Variants in TOP2B observed in about 807,000 individuals in gnomAD.
The protein encoded by TOP2B is DNA topoisomerase 2-beta.
Under a neutral mutation model 193.5 loss-of-function variants are expected in TOP2B, and 51 were observed. The ratio of observed to expected loss-of-function variants is 0.26; its 90% CI spans 0.21 to 0.33. The LOEUF is 0.33. TOP2B is among the 10% of genes least tolerant of loss of function. The pLI, the probability that TOP2B is intolerant of heterozygous loss-of-function variation, is 1.00. For synonymous variants in TOP2B, 634 were observed against 635.7 expected, an observed-to-expected ratio of 1.00 and a Z score of 0.04; for missense variants, 1,378 against 1,909.3, an observed-to-expected ratio of 0.72 and a Z score of 5.19.
chr3:25,643,004 A>G (rs1703307798), intron 3 of TOP2B, among the ~76,000 whole-genome samples: 1 of 152,222 alleles, frequency 6.6e-6, no homozygotes, highest in Non-Finnish European at 1.5e-5. Flanking sequence ...AAATTATAAT[A>G]TGGAGGCAAG....
At chr3:25,637,383 T>C in intron 5 of TOP2B, 71 bp from the exon 6 acceptor site, 5 of 1,125,362 alleles carry the variant, frequency 4.4e-6, no homozygotes, top group Non-Finnish European at 6.4e-6. Context: ...TTTACCACCA[T>C]ACGGCAAGGC....
At chr3:25,642,477 C>T (rs1045148544) in intron 3 of TOP2B, 92 bp from the exon 4 acceptor site, 6 of 644,754 alleles carry the variant, frequency 9.3e-6, no homozygotes, top group Admixed American at 6.3e-5. Context: ...TTAATATAAA[C>T]ATCTACATAT....
In TOP2B at chr3:25,618,403, T is replaced by C. The variant is rs908636749; in HGVS notation, c.3351+15A>G. 6.3e-7 allele frequency: 1 copy of C among 1,594,572 alleles called. No homozygotes were observed. The highest frequency in any genetic ancestry group is 2.2e-5 in the East Asian group (1 of 44,750). ...TTAAAAGCTTCTCTGAATGTCTTTT[T>C]CTGCAAATGATTACCTTTTCTTGTG... On this transcript the variant is annotated intron_variant, in intron 25 of 35. Coordinates refer to ENST00000264331, the MANE Select transcript of TOP2B (RefSeq NM_001330700.2).
intron 1 of TOP2B, among the ~76,000 whole-genome samples, chr3:25,658,806 C>T (rs1703824519): frequency 6.6e-6 from 1 of 152,156 alleles, no homozygotes; most frequent in African/African-American, 2.4e-5. Flanking sequence ...AGTAAAACTT[C>T]CTATTTTTCA....
intron 6 of TOP2B, 27 bp downstream of exon 6, chr3:25,637,188 A>T (rs1703128212): frequency 1.3e-6 from 2 of 1,498,506 alleles, no homozygotes; most frequent in African/African-American, 1.4e-5. Flanking sequence ...TATTTTAAAA[A>T]AAGAAATAGA....
Position 25,599,522 on chromosome 3 carries a change from G to T in TOP2B, c.4623C>A (p.Gly1541=), listed in dbSNP as rs1411952014. ...ATGCTTTCCTTTTCTTTGCCCCTCG[G>T]CCTTTACCTTAAAATGATACAAAAG... ...PKKTTTPKGK[G]RGAKKRKASG... is the part of the protein sequence containing the mutation. Residue 1541 remains glycine (G), a synonymous_variant, in exon 35 of 36, where the codon GGC becomes GGA. Transcript: ENST00000264331. The T allele has an allele frequency of 6.2e-7, 1 of 1,612,184 alleles. No individual in the cohort carries two copies. Among genetic ancestry groups the T allele is most frequent in the African/African-American group, 1.3e-5 (1 of 74,848 alleles).
intron 33 of TOP2B, among the ~76,000 whole-genome samples, chr3:25,601,978 G>A (rs932585271): frequency 6.6e-6 from 1 of 152,146 alleles, no homozygotes; most frequent in African/African-American, 2.4e-5. Context: ...TCCAGACTTG[G>A]CATTTTTATG....
At position 25,623,640 on chromosome 3, in the gene TOP2B, T is replaced by C. The variant is rs1408833933; in HGVS notation, c.2602A>G (p.Met868Val). ...CCCTCAGCACCATTTATTAAAACCA[T>C]GGGAATTATAGGAATATACCACTCA... is the stretch of plus-strand genomic sequence containing the variant. ...EPEWYIPIIP[M>V]VLINGAEGIG... The change falls in exon 21 of 36, where the codon ATG becomes GTG. Residue 868 changes from methionine (M) to valine (V), a missense_variant. Physicochemically the swap from Met to Val is conservative, Grantham distance 21. Transcript: ENST00000264331. 1.1e-5 allele frequency: 18 copies of C among 1,613,678 alleles called. No individual in the cohort carries two copies. The highest frequency in any genetic ancestry group is 4.5e-5 in the East Asian group (2 of 44,874).
intron 18 of TOP2B, 130 bp downstream of exon 18, chr3:25,626,430 T>C (rs1347277210): frequency 1.5e-5 from 7 of 467,966 alleles, no homozygotes; most frequent in Admixed American, 8.5e-5. Flanking sequence ...CTTAAATTCC[T>C]CTGAATAAGC....
chr3:25,634,326 G>C (rs1703042787), intron 7 of TOP2B, among the ~76,000 whole-genome samples: 1 of 152,054 alleles, frequency 6.6e-6, no homozygotes, highest in Admixed American at 6.6e-5. Flanking sequence ...TAATGAACTA[G>C]CAGGAAAAAA....
intron 4 of TOP2B, among the ~76,000 whole-genome samples, chr3:25,639,126 G>C (rs1703185666): frequency 6.6e-6 from 1 of 151,866 alleles, no homozygotes; most frequent in African/African-American, 2.4e-5. Flanking sequence ...TTGAATAAAG[G>C]GAAAGACATA....
intron 16 of TOP2B, 137 bp from the exon 17 acceptor site, chr3:25,627,001 C>A: frequency 2.8e-6 from 2 of 703,434 alleles, no homozygotes; most frequent in Non-Finnish European, 4.7e-6. Flanking sequence ...TAATCAAAAA[C>A]ACATTTAAAC....
rs1374721748 is a variant in TOP2B at position 25,664,212 on chromosome 3, G to C, written c.69+17C>G. 9.2e-6 allele frequency: 14 copies of C among 1,522,290 alleles called. No individual in the cohort carries two copies. In the East Asian group the frequency reaches 1.8e-4, roughly 19 times the overall value. The allele number at this position is 1,522,290 out of a possible 1,614,324, so 94.3% of individuals were successfully genotyped here. On this transcript the variant is annotated intron_variant, in intron 1 of 35. Coordinates refer to ENST00000264331, the MANE Select transcript of TOP2B (RefSeq NM_001330700.2). ...CCGGAACAATGCAGCCGCCCGTCCCGGGGACCAGCCACTTACCACCCAGGT... is the reference window on the plus strand; with the variant it reads ...CCGGAACAATGCAGCCGCCCGTCCCCGGGACCAGCCACTTACCACCCAGGT...
chr3:25,619,835 AAATT>A, intron 23 of TOP2B, 23 bp downstream of exon 23: 1 of 1,511,008 alleles, frequency 6.6e-7, no homozygotes, highest in Non-Finnish European at 9.2e-7. Context: ...AAGAAAGATT[AAATT>A]AACAGTAAAT....
chr3:25,601,850 T>G (rs1301647460), intron 33 of TOP2B, among the ~76,000 whole-genome samples: 4 of 152,178 alleles, frequency 2.6e-5, no homozygotes, highest in Non-Finnish European at 5.9e-5. Flanking sequence ...AAATTAATTA[T>G]AACCCAGATA....
intron 15 of TOP2B, among the ~76,000 whole-genome samples, chr3:25,627,730 A>G (rs758113882): frequency 2.0e-5 from 3 of 152,180 alleles, no homozygotes; most frequent in Non-Finnish European, 2.9e-5. Flanking sequence ...CTTATCAACC[A>G]AATGCAATGT....
rs572567518 is a variant in TOP2B, at chr3:25,623,455, G to A, written c.2727+60C>T. ...TGTTCCATTACTTTTCTAAAATGAC[G>A]GGAATTTGTAGTTTACACATTATCA... On this transcript the variant is annotated intron_variant, in intron 21 of 35. Coordinates refer to ENST00000264331, the MANE Select transcript of TOP2B (RefSeq NM_001330700.2). 199 of 1,450,368 alleles carry A rather than the reference G, an allele frequency of 1.4e-4. 2 individuals are homozygous for A. The East Asian group carries it at 2.5e-3, about 18-fold the overall frequency. The allele number at this position is 1,450,368 out of a possible 1,614,324, so 89.8% of individuals were successfully genotyped here.
chr3:25,656,862 G>A (rs1703760360), intron 1 of TOP2B, among the ~76,000 whole-genome samples: 1 of 152,074 alleles, frequency 6.6e-6, no homozygotes, highest in Non-Finnish European at 1.5e-5. Flanking sequence ...TATGTTAAAG[G>A]CTTATTAACC....
intron 23 of TOP2B, 55 bp from the exon 24 acceptor site, chr3:25,618,904 CTT>C (rs1259788949): frequency 1.5e-6 from 2 of 1,297,428 alleles, no homozygotes; most frequent in Admixed American, 2.7e-5. Flanking sequence ...GGTATTTTAA[CTT>C]ATATAACATC....
Sources: allele counts gnomAD v4.1 joint callset (sites outside exome capture counted in the v4.1 genomes callset), GRCh38; gene constraint gnomAD v4.1.1; transcripts MANE v1.5; gene names NCBI Gene and HGNC (gene_info 2026-07-23, HGNC 2026-07-21).